The following LRRFIP1 variants were observed in gnomAD, a reference collection of about 807,000 sequenced individuals.
LRRFIP1 encodes LRR binding FLII interacting protein 1.
In LRRFIP1, 62 loss-of-function variants were observed where a neutral mutation model predicts 104.4. The ratio of observed to expected loss-of-function variants is 0.59; its 90% CI spans 0.48 to 0.73. LRRFIP1 has a LOEUF of 0.73. Ranked by LOEUF, LRRFIP1 falls within the 30% of genes least tolerant of loss-of-function variation. The pLI is 0.00. For missense variants in LRRFIP1, 796 were observed against 824.5 expected (o/e 0.97, Z 0.42); for synonymous variants, 300 against 299.0 (o/e 1.00, Z -0.03).
In LRRFIP1 at chr2:237,681,678, C is replaced by CTTTTTTTTT. The variant is rs1172576547; in HGVS notation, c.97-26855_97-26847dup. Among the ~76,000 whole-genome samples, 18 of 44,896 alleles carry CTTTTTTTTT rather than the reference C, an allele frequency of 4.0e-4. 3 individuals are homozygous for CTTTTTTTTT. Among genetic ancestry groups the CTTTTTTTTT allele is most frequent in the African/African-American group, 1.3e-3 (17 of 13,494 alleles). The allele number at this position is 44,896 out of a possible 152,430, so 29.5% of individuals were successfully genotyped here. A position where few individuals can be genotyped will look rare whatever the true frequency, so the allele number is the denominator to read the frequency against. On this transcript the variant is annotated intron_variant, in intron 1 of 23. Coordinates refer to ENST00000308482, the MANE Select transcript of LRRFIP1 (RefSeq NM_001137550.2). ...CACCGTGCCCGGCCGCAGTCCTATT[C>CTTTTTTTTT]TTTTTTTTTTTTTTTTTTTGAGACG... is the stretch of plus-strand genomic sequence containing the variant.
Position 237,757,556 on chromosome 2 carries a change from T to C in LRRFIP1, c.1224+8T>C, listed in dbSNP as rs748511759. The C allele has an allele frequency of 3.2e-6, 5 of 1,555,558 alleles. No homozygotes were observed. The Admixed American group carries it at 9.6e-5, about 30-fold the overall frequency. On this transcript the variant is annotated splice_region_variant and intron_variant, in intron 17 of 23. Coordinates refer to ENST00000308482, the MANE Select transcript of LRRFIP1 (RefSeq NM_001137550.2). ...AAAGACAAAAAGATAGGGGTAGGATTCCCAAGTCTTGAAAATCTACTCAAA... is the reference window on the plus strand; with the variant it reads ...AAAGACAAAAAGATAGGGGTAGGATCCCCAAGTCTTGAAAATCTACTCAAA...
intron 1 of LRRFIP1, among the ~76,000 whole-genome samples, chr2:237,633,195 C>T (rs2149259199): frequency 6.6e-6 from 1 of 152,342 alleles, no homozygotes; most frequent in East Asian, 1.9e-4. Flanking sequence ...TCTCCTAAGC[C>T]AAACACCCAT....
intron 1 of LRRFIP1, among the ~76,000 whole-genome samples, chr2:237,664,550 C>T (rs1295215840): frequency 6.6e-6 from 1 of 152,224 alleles, no homozygotes; most frequent in Non-Finnish European, 1.5e-5. Flanking sequence ...TGCTCCAAGA[C>T]TGAATGGACT....
At chr2:237,636,691 G>A (rs535849784) in intron 1 of LRRFIP1, among the ~76,000 whole-genome samples, 96 of 152,234 alleles carry the variant, frequency 6.3e-4, no homozygotes, top group African/African-American at 2.2e-3. Context: ...TCATATTTTA[G>A]AGGGAGGCAC....
At chr2:237,773,854 A>AGTGAAGGTGTCCAGCAGGCCTTCG (rs1288694537) in intron 22 of LRRFIP1, 3 of 157,202 alleles carry the variant, frequency 1.9e-5, no homozygotes, top group Admixed American at 1.8e-4. Context: ...ATTGCGGCAG[A>AGTGAAGGTGTCCAGCAGGCCTTCG]GTGAAGGTGT....
intron 1 of LRRFIP1, among the ~76,000 whole-genome samples, chr2:237,656,793 T>G (rs535633460): frequency 6.6e-6 from 1 of 152,362 alleles, no homozygotes; most frequent in Non-Finnish European, 1.5e-5. Flanking sequence ...AAATGTGCCT[T>G]GTGTCAGTAT....
chr2:237,726,945 T>C (rs970038863), intron 7 of LRRFIP1, among the ~76,000 whole-genome samples: 1 of 152,238 alleles, frequency 6.6e-6, no homozygotes, highest in African/African-American at 2.4e-5. Context: ...TATGAAATTA[T>C]TAAATATGTG....
intron 5 of LRRFIP1, among the ~76,000 whole-genome samples, chr2:237,720,312 G>A (rs534144965): frequency 6.6e-6 from 1 of 151,816 alleles, no homozygotes; most frequent in Non-Finnish European, 1.5e-5. Context: ...TAGTGGTGCA[G>A]TCTTGGCTCA....
Position 237,691,690 on chromosome 2 carries a change from C to T in LRRFIP1, c.97-16854C>T, listed in dbSNP as rs1311226785. Among the ~76,000 whole-genome samples, 4 of 152,122 alleles carry T rather than the reference C, an allele frequency of 2.6e-5. No individual in the cohort carries two copies. The highest frequency in any genetic ancestry group is 5.9e-5 in the Non-Finnish European group (4 of 67,986). On this transcript the variant is annotated intron_variant, in intron 1 of 23. Coordinates refer to ENST00000308482, the MANE Select transcript of LRRFIP1 (RefSeq NM_001137550.2). The surrounding 1 kb of genome is among the most constrained non-coding windows in gnomAD (Gnocchi z 5.4). ...CCCTCGCCCAGCCCCGGGCAGGTCCCCCCCCGGAGGGGACCCCCTCTTCGG... is the reference window on the plus strand; with the variant it reads ...CCCTCGCCCAGCCCCGGGCAGGTCCTCCCCCGGAGGGGACCCCCTCTTCGG...
At chr2:237,775,364 G>A (rs948585925) in intron 23 of LRRFIP1, among the ~76,000 whole-genome samples, 1 of 152,226 alleles carries the variant, frequency 6.6e-6, no homozygotes, top group African/African-American at 2.4e-5. Flanking sequence ...CAGTCAGAGC[G>A]GTGGAGGCCA....
Position 237,717,650 on chromosome 2 carries a change from C to T in LRRFIP1, c.202-112C>T, listed in dbSNP as rs894294929. The T allele has an allele frequency of 2.7e-5, 23 of 861,780 alleles. No homozygotes were observed. In the African/African-American group the frequency reaches 3.3e-4, roughly 12 times the overall value. The allele number at this position is 861,780 out of a possible 1,614,324, so 53.4% of individuals were successfully genotyped here. ...CTGCTTTGCCTTGGCGTGTTACCTT[C>T]ACCACACGGCTGGATGGCGGTTTGG... On this transcript the variant is annotated intron_variant, in intron 3 of 23. Transcript: ENST00000308482. This position sits in a 1 kb window ranked among gnomAD's most constrained non-coding sequence, Gnocchi z 4.2.
chr2:237,660,142 A>T (rs996443124), intron 1 of LRRFIP1, among the ~76,000 whole-genome samples: 1 of 152,248 alleles, frequency 6.6e-6, no homozygotes, highest in Admixed American at 6.5e-5. Context: ...TCACAAGAGG[A>T]ACTCTAAAAA....
rs1194513080 is a variant in LRRFIP1, at chr2:237,781,343, T to G, written c.*1811T>G. Among the ~76,000 whole-genome samples, 2 of 152,264 alleles carry G rather than the reference T, an allele frequency of 1.3e-5. No individual in the cohort carries two copies. The highest frequency in any genetic ancestry group is 3.8e-4 in the East Asian group (2 of 5,202). On this transcript the variant is annotated 3_prime_UTR_variant, in exon 24 of 24. Transcript: ENST00000308482. ...TTGCACGGAAATTCTATGAGGTAGA[T>G]GCTGTTATCAAATCCACATTACAGA...
intron 23 of LRRFIP1, among the ~76,000 whole-genome samples, chr2:237,774,776 G>C (rs1273805283): frequency 1.3e-5 from 2 of 152,204 alleles, no homozygotes; most frequent in African/African-American, 2.4e-5. Context: ...AATATTTTTT[G>C]TGTCATGCAG....
chr2:237,652,464 C>T (rs2086095615), intron 1 of LRRFIP1, among the ~76,000 whole-genome samples: 1 of 152,200 alleles, frequency 6.6e-6, no homozygotes, highest in Non-Finnish European at 1.5e-5. Flanking sequence ...GTTACAGCAA[C>T]CTTGATGAGA....
chr2:237,765,907 A>G (rs780446059), intron 19 of LRRFIP1: 11 of 985,038 alleles, frequency 1.1e-5, no homozygotes, highest in Non-Finnish European at 1.3e-5. Context: ...ACATTTTATA[A>G]TTGTGCAAGC....
chr2:237,657,502 A>G (rs1236564009), intron 1 of LRRFIP1, among the ~76,000 whole-genome samples: 1 of 152,164 alleles, frequency 6.6e-6, no homozygotes, highest in Non-Finnish European at 1.5e-5. Context: ...AACAACAACA[A>G]CAACAACAAA....
At chr2:237,669,561 A>G (rs543299415) in intron 1 of LRRFIP1, among the ~76,000 whole-genome samples, 14 of 152,324 alleles carry the variant, frequency 9.2e-5, no homozygotes, top group African/African-American at 3.4e-4. Flanking sequence ...TAGGAACTGA[A>G]TATCTTCCTC....
chr2:237,765,978 C>T, intron 19 of LRRFIP1: 1 of 921,038 alleles, frequency 1.1e-6, no homozygotes, highest in Non-Finnish European at 1.3e-6. Flanking sequence ...TATGTAATAC[C>T]ACCTTTGAGT....
Sources: gnomAD v4.1 joint callset for allele counts (sites outside exome capture counted in the v4.1 genomes callset) on GRCh38, gnomAD v4.1.1 for gene constraint, Gnocchi (gnomAD v3.1) non-coding constraint, MANE v1.5 for transcripts, NCBI Gene and HGNC (gene_info 2026-07-23, HGNC 2026-07-21) for gene names.